Variants in DKK4 observed in about 807,000 individuals in gnomAD.
DKK4 encodes dickkopf-related protein 4.
DKK4 carries 15 observed loss-of-function variants against 14.5 expected under a neutral mutation model. The observed-to-expected ratio is 1.03, with a 90% CI of 0.69 to 1.59. The LOEUF is 1.59. Among genes scored for constraint, DKK4 ranks in the 40% most tolerant of loss-of-function variants. DKK4 has a pLI of 0.00. For synonymous variants in DKK4, 89 were observed against 105.2 expected (o/e 0.85, Z 0.94); for missense variants, 272 against 280.3 (o/e 0.97, Z 0.21).
At chr8:42,389,336 T>C in the DKK4 span, among the ~76,000 whole-genome samples, 4 of 152,070 alleles carry the variant, frequency 2.6e-5, no homozygotes, top group Middle Eastern at 3.4e-3. Flanking sequence ...CAGAGAGAGG[T>C]TAATGCTTGC....
the DKK4 span, among the ~76,000 whole-genome samples, chr8:42,385,733 G>A: frequency 6.6e-6 from 1 of 152,336 alleles, no homozygotes; most frequent in Non-Finnish European, 1.5e-5. Flanking sequence ...CCATGGAATA[G>A]CACTGTCCTT....
chr8:42,389,081 C>G, the DKK4 span, among the ~76,000 whole-genome samples: 1 of 152,136 alleles, frequency 6.6e-6, no homozygotes, highest in Non-Finnish European at 1.5e-5. Flanking sequence ...GTAGCTGGGA[C>G]TACAGGCACA....
chr8:42,377,543 G>C (rs1343881444), upstream of DKK4, among the ~76,000 whole-genome samples: 1 of 152,286 alleles, frequency 6.6e-6, no homozygotes, highest in Non-Finnish European at 1.5e-5. Context: ...GGTAGGGAGG[G>C]AGTCTGCCCT....
chr8:42,380,798 AAAAG>A (rs1333001744), upstream of DKK4, among the ~76,000 whole-genome samples: 31 of 139,148 alleles, frequency 2.2e-4, no homozygotes, highest in Non-Finnish European at 3.8e-4. Flanking sequence ...GGAAGAAAGA[AAAAG>A]AAAAGGAAGG....
intron 2 of DKK4, 90 bp downstream of exon 2, chr8:42,375,590 T>G: frequency 6.6e-7 from 1 of 1,507,020 alleles, no homozygotes; most frequent in African/African-American, 1.4e-5. Flanking sequence ...GGAAGCACCA[T>G]TAGAGAGTGC....
At chr8:42,384,061 A>G in the DKK4 span, among the ~76,000 whole-genome samples, 1 of 152,164 alleles carries the variant, frequency 6.6e-6, no homozygotes, top group African/African-American at 2.4e-5. Flanking sequence ...CCTGTGTGCC[A>G]CGCTGCGGCT....
At chr8:42,383,842 G>A in the DKK4 span, among the ~76,000 whole-genome samples, 1 of 152,104 alleles carries the variant, frequency 6.6e-6, no homozygotes, top group Non-Finnish European at 1.5e-5. Context: ...ACTCAGGAGG[G>A]TGAGGCAGAA....
chr8:42,378,161 C>T (rs1824597222), upstream of DKK4, among the ~76,000 whole-genome samples: 1 of 152,130 alleles, frequency 6.6e-6, no homozygotes, highest in Non-Finnish European at 1.5e-5. Context: ...TTATCACTGT[C>T]TTAAATACTT....
At chr8:42,386,174 G>A in the DKK4 span, among the ~76,000 whole-genome samples, 2 of 151,986 alleles carry the variant, frequency 1.3e-5, no homozygotes, top group Non-Finnish European at 2.9e-5. Context: ...ACTACAGCCT[G>A]AAACTTCTGG....
At chr8:42,381,638 C>T (rs926836490), upstream of DKK4, among the ~76,000 whole-genome samples, 8 of 152,170 alleles carry the variant, frequency 5.3e-5, no homozygotes, top group Non-Finnish European at 8.8e-5. Flanking sequence ...TCTGTGCATA[C>T]GCCAGCCTGT....
At chr8:42,374,662 G>A in intron 3 of DKK4, 99 bp downstream of exon 3, 1 of 1,502,778 alleles carries the variant, frequency 6.7e-7, no homozygotes, top group Non-Finnish European at 9.1e-7. Context: ...AAGTGTTTCT[G>A]GGATGGAGAA....
upstream of DKK4, among the ~76,000 whole-genome samples, chr8:42,381,205 G>T (rs1296901281): frequency 6.6e-6 from 1 of 152,048 alleles, no homozygotes; most frequent in Admixed American, 6.6e-5. Context: ...GGGGAGGGAG[G>T]GGAGGAGGAG....
chr8:42,375,004 G>A, intron 2 of DKK4, 91 bp from the exon 3 acceptor site: 1 of 1,332,844 alleles, frequency 7.5e-7, no homozygotes, highest in Non-Finnish European at 1.1e-6. Flanking sequence ...TAGTTTGGCA[G>A]CACCTCTGCC....
chr8:42,374,299 C>A lies in DKK4; in HGVS notation c.476G>T (p.Arg159Leu). The A allele has an allele frequency of 1.2e-6, 2 of 1,612,098 alleles. No individual in the cohort carries two copies. Among genetic ancestry groups the A allele is most frequent in the Non-Finnish European group, 1.7e-6 (2 of 1,178,930 alleles). The change falls in exon 4 of 4, where the codon CGT becomes CTT. Residue 159 changes from arginine to leucine, a missense_variant. Coordinates refer to ENST00000220812, the MANE Select transcript of DKK4 (RefSeq NM_014420.3). ...FDCGPGLCCA[R>L]HFWTKICKPV... ...CTTACAAATTTTCGTCCAAAAATGA[C>A]GAGCACAGCAAAGTCCAGGGCCACA... is the stretch of plus-strand genomic sequence containing the variant.
Position 42,374,905 on chromosome 8 carries a change from TACAA to T in DKK4, c.267_270del (p.Cys90LeufsTer10), listed in dbSNP as rs1824529252. ...ATTGGGGTTGCATCTTCCATCGTAG[TACAA>T]ACATCTGAGGGACAACCAGGTGTAA... is the stretch of plus-strand genomic sequence containing the variant. On this transcript the variant is annotated frameshift_variant, in exon 3 of 4. Transcript: ENST00000220812. LOFTEE classifies it high-confidence loss of function. The T allele has an allele frequency of 1.4e-5, 23 of 1,614,152 alleles. No homozygotes were observed. The highest frequency in any genetic ancestry group is 1.9e-5 in the Non-Finnish European group (23 of 1,180,018).
At chr8:42,381,867 C>T (rs1178666993), upstream of DKK4, among the ~76,000 whole-genome samples, 2 of 152,126 alleles carry the variant, frequency 1.3e-5, no homozygotes, top group Admixed American at 1.3e-4. Context: ...CATGATGGCA[C>T]ACACCTGTAA....
the DKK4 span, among the ~76,000 whole-genome samples, chr8:42,383,443 C>G: frequency 6.6e-6 from 1 of 152,366 alleles, no homozygotes; most frequent in African/African-American, 2.4e-5. Flanking sequence ...TTGCTCAGCT[C>G]CAGGAGGCAC....
In DKK4 at chr8:42,374,796, CTTTTG is replaced by C. The variant is rs1563414058; in HGVS notation, c.375_379del (p.Lys126GlufsTer5). On this transcript the variant is annotated frameshift_variant, in exon 3 of 4. Transcript: ENST00000220812. LOFTEE classifies it low-confidence loss of function (END_TRUNC). ...TTGTGATTTCTTAATACTTGGCTTC[CTTTTG>C]GGTTGGTTTTCCTGGACTGGGTGCC... is the stretch of plus-strand genomic sequence containing the variant. 2 of 1,614,146 alleles carry C rather than the reference CTTTTG, an allele frequency of 1.2e-6. No individual in the cohort carries two copies. Among genetic ancestry groups the C allele is most frequent in the Non-Finnish European group, 1.7e-6 (2 of 1,180,044 alleles).
chr8:42,377,405 A>G (rs1313242542), upstream of DKK4, among the ~76,000 whole-genome samples: 1 of 152,194 alleles, frequency 6.6e-6, no homozygotes, highest in East Asian at 1.9e-4. Flanking sequence ...CTTCTCCTCC[A>G]GGGGTTCAAT....
Sources: gnomAD v4.1 joint callset for allele counts (sites outside exome capture counted in the v4.1 genomes callset) on GRCh38, gnomAD v4.1.1 for gene constraint, MANE v1.5 for transcripts, NCBI Gene and HGNC (gene_info 2026-07-23, HGNC 2026-07-21) for gene names.